Variants in GNAO1 observed in about 807,000 individuals in gnomAD.
GNAO1 encodes guanine nucleotide-binding protein G(o) subunit alpha.
For synonymous variants in GNAO1, 164 were observed against 180.7 expected, an observed-to-expected ratio of 0.91 and a Z score of 0.74; for missense variants, 166 against 478.7, an observed-to-expected ratio of 0.35 and a Z score of 6.10.
intron 4 of GNAO1, among the ~76,000 whole-genome samples, chr16:56,331,460 G>A (rs542223249): frequency 9.2e-5 from 14 of 152,164 alleles, no homozygotes; most frequent in South Asian, 6.2e-4. Flanking sequence ...TTGCTCCTCC[G>A]CCTGCTGAGA....
chr16:56,310,355 T>C (rs180838434), intron 3 of GNAO1, among the ~76,000 whole-genome samples: 128 of 152,234 alleles, frequency 8.4e-4, no homozygotes, highest in Admixed American at 3.5e-3. Context: ...TAAATTAAAG[T>C]ACAAGTTTTA....
intron 2 of GNAO1, among the ~76,000 whole-genome samples, chr16:56,247,136 C>T (rs989378609): frequency 1.3e-5 from 2 of 152,206 alleles, no homozygotes; most frequent in African/African-American, 4.8e-5. Flanking sequence ...CCGTTGCTGT[C>T]ACCAGCTACC....
At chr16:56,247,482 G>GTTTTTTTTTTTTTTT (rs61650674) in intron 2 of GNAO1, among the ~76,000 whole-genome samples, 2 of 119,672 alleles carry the variant, frequency 1.7e-5, no homozygotes, top group African/African-American at 3.1e-5. Flanking sequence ...TTAGGGTGAG[G>GTTTTTTTTTTTTTTT]TTTTTTTTTT....
chr16:56,212,440 T>C (rs2036398409), intron 2 of GNAO1, among the ~76,000 whole-genome samples: 1 of 152,232 alleles, frequency 6.6e-6, no homozygotes, highest in Admixed American at 6.5e-5. Context: ...GTCTCTTGGC[T>C]GACTGTCATC....
intron 2 of GNAO1, among the ~76,000 whole-genome samples, chr16:56,208,005 G>A (rs2036346383): frequency 6.6e-6 from 1 of 152,042 alleles, no homozygotes; most frequent in Admixed American, 6.6e-5. Flanking sequence ...TAACTTTCGT[G>A]GTAAGTTTCA....
chr16:56,335,435 C>T (rs1210367312), intron 5 of GNAO1, among the ~76,000 whole-genome samples: 1 of 152,196 alleles, frequency 6.6e-6, no homozygotes, highest in Non-Finnish European at 1.5e-5. Flanking sequence ...CCTGCTGCAG[C>T]GCTGTGTCCC....
Position 56,191,748 on chromosome 16 carries a change from C to G in GNAO1, c.-488C>G, listed in dbSNP as rs1240451707. 4.7e-6 allele frequency: 1 copy of G among 211,832 alleles called. No individual in the cohort carries two copies. The highest frequency in any genetic ancestry group is 9.3e-6 in the Non-Finnish European group (1 of 107,024). The allele number at this position is 211,832 out of a possible 1,614,324, so 13.1% of individuals were successfully genotyped here. On this transcript the variant is annotated 5_prime_UTR_variant, in exon 1 of 9. Transcript: ENST00000262493. The surrounding 1 kb of genome is among the most constrained non-coding windows in gnomAD (Gnocchi z 4.7). ...CCCCCTAACTCACTCCCTCCACATC[C>G]CGCGCCGCCGCCGCCGCCTCCTCCA...
chr16:56,220,604 G>A (rs2036475376), intron 2 of GNAO1, among the ~76,000 whole-genome samples: 1 of 152,128 alleles, frequency 6.6e-6, no homozygotes, highest in Non-Finnish European at 1.5e-5. Context: ...GGGTTGCTGT[G>A]GTTTGAATGT....
rs985587772 is a variant in GNAO1 at position 56,326,601 on chromosome 16, C to A, written c.304-2030C>A. 6.6e-6 allele frequency among the ~76,000 whole-genome samples: 1 copy of A among 152,212 alleles called. No individual in the cohort carries two copies. The highest frequency in any genetic ancestry group is 1.5e-5 in the Non-Finnish European group (1 of 68,032). On this transcript the variant is annotated intron_variant, in intron 3 of 8. Transcript: ENST00000262493. This position sits in a 1 kb window ranked among gnomAD's most constrained non-coding sequence, Gnocchi z 4.8. ...GCCTGCCACGTTGGCTGCTGGGGCTCCATCCCATGGGGATCCTGTCTGAAT... is the reference window on the plus strand; with the variant it reads ...GCCTGCCACGTTGGCTGCTGGGGCTACATCCCATGGGGATCCTGTCTGAAT...
At chr16:56,275,144 T>C (rs1190151138) in intron 2 of GNAO1, among the ~76,000 whole-genome samples, 1 of 152,254 alleles carries the variant, frequency 6.6e-6, no homozygotes, top group East Asian at 1.9e-4. Context: ...ATGTAGGATG[T>C]TAATCTTAAA....
intron 6 of GNAO1, among the ~76,000 whole-genome samples, chr16:56,341,514 G>A (rs1304884635): frequency 6.6e-6 from 1 of 152,248 alleles, no homozygotes; most frequent in Non-Finnish European, 1.5e-5. Flanking sequence ...TTCGCGTGGT[G>A]CCGCACATAG....
At chr16:56,309,722 G>A (rs1596856731) in intron 3 of GNAO1, among the ~76,000 whole-genome samples, 2 of 152,204 alleles carry the variant, frequency 1.3e-5, no homozygotes, top group East Asian at 3.9e-4. Flanking sequence ...CCACCCAGGG[G>A]CCAGACCCGG....
intron 3 of GNAO1, among the ~76,000 whole-genome samples, chr16:56,286,279 CT>C (rs1376558413): frequency 6.6e-6 from 1 of 152,190 alleles, no homozygotes; most frequent in East Asian, 1.9e-4. Flanking sequence ...CAACAGTGGT[CT>C]TATGTCACTG....
rs1261108631 is a variant in GNAO1 at position 56,326,198 on chromosome 16, A to C, written c.304-2433A>C. Reference sequence around the variant, plus strand: ...TGCCACTCTGCTGGTGCACACCCTGAGGCGTGGTGCCCCAGGCGGGCAGTA... The same window carrying C: ...TGCCACTCTGCTGGTGCACACCCTGCGGCGTGGTGCCCCAGGCGGGCAGTA... On this transcript the variant is annotated intron_variant, in intron 3 of 8. Coordinates refer to ENST00000262493, the MANE Select transcript of GNAO1 (RefSeq NM_020988.3). The surrounding 1 kb of genome is among the most constrained non-coding windows in gnomAD (Gnocchi z 4.8). 1.3e-5 allele frequency among the ~76,000 whole-genome samples: 2 copies of C among 152,156 alleles called. No homozygotes were observed. The highest frequency in any genetic ancestry group is 2.9e-5 in the Non-Finnish European group (2 of 68,042).
chr16:56,345,807 G>A, intron 6 of GNAO1: 1 of 985,620 alleles, frequency 1.0e-6, no homozygotes, highest in Non-Finnish European at 1.2e-6. Flanking sequence ...GAGGCCAGTT[G>A]TTCCGCTTAC....
chr16:56,277,314 T>C (rs2037069013), intron 3 of GNAO1, among the ~76,000 whole-genome samples: 1 of 152,066 alleles, frequency 6.6e-6, no homozygotes, highest in African/African-American at 2.4e-5. Flanking sequence ...AGGCCGGCTT[T>C]GGGTTTGGTC....
rs994506340 is a variant in GNAO1 at position 56,243,177 on chromosome 16, G to A, written c.162-32754G>A. ...TCCCACTGATTCTACATTATGGTGA[G>A]TTATATAATTATTTCATTATATATA... On this transcript the variant is annotated intron_variant, in intron 2 of 8. Coordinates refer to ENST00000262493, the MANE Select transcript of GNAO1 (RefSeq NM_020988.3). Among the ~76,000 whole-genome samples the A allele has an allele frequency of 4.0e-5, 6 of 151,780 alleles. No homozygotes were observed. In the East Asian group the frequency reaches 5.8e-4, roughly 15 times the overall value.
At chr16:56,227,133 GT>G (rs1160468197) in intron 2 of GNAO1, among the ~76,000 whole-genome samples, 1 of 152,140 alleles carries the variant, frequency 6.6e-6, no homozygotes, top group African/African-American at 2.4e-5. Flanking sequence ...GGCCCATGCA[GT>G]TTTTTTGTTT....
chr16:56,211,092 A>G (rs1362082533), intron 2 of GNAO1, among the ~76,000 whole-genome samples: 6 of 152,196 alleles, frequency 3.9e-5, no homozygotes, highest in African/African-American at 1.4e-4. Flanking sequence ...ATGTGGTCCT[A>G]TTTCTGCTGA....
Sources: gnomAD v4.1 joint callset for allele counts (sites outside exome capture counted in the v4.1 genomes callset) on GRCh38, gnomAD v4.1.1 for gene constraint, Gnocchi (gnomAD v3.1) non-coding constraint, MANE v1.5 for transcripts, NCBI Gene and HGNC (gene_info 2026-07-23, HGNC 2026-07-21) for gene names.